CADM2: variants seen among roughly 807,000 people sequenced by gnomAD.
CADM2 encodes the protein cell adhesion molecule 2.
A neutral mutation model predicts 49.8 loss-of-function variants in CADM2; 12 were observed. That is an observed-to-expected ratio of 0.24 (90% CI 0.15 to 0.39). The LOEUF is 0.39. Among genes scored for constraint, CADM2 ranks in the 10% least tolerant of loss-of-function variants. The probability of loss-of-function intolerance (pLI) is 1.00; values close to 1 mark genes in which losing one functional copy is unlikely to be tolerated. For missense variants in CADM2, 378 were observed against 492.3 expected (o/e 0.77, Z 2.20); for synonymous variants, 214 against 175.4 (o/e 1.22, Z -1.74).
chr3:85,496,964 C>T (rs541403887), intron 1 of CADM2, among the ~76,000 whole-genome samples: 1 of 152,330 alleles, frequency 6.6e-6, no homozygotes, highest in Admixed American at 6.5e-5. Flanking sequence ...CCGCCTCAGC[C>T]TCCCAAGTAG....
chr3:85,782,453 G>A (rs934258795), intron 2 of CADM2, among the ~76,000 whole-genome samples: 5 of 151,820 alleles, frequency 3.3e-5, no homozygotes, highest in Non-Finnish European at 7.4e-5. Flanking sequence ...GAGGCGGGCG[G>A]ATCACGAGGT....
At chr3:85,895,526 G>C (rs1382576293) in intron 5 of CADM2, among the ~76,000 whole-genome samples, 1 of 152,188 alleles carries the variant, frequency 6.6e-6, no homozygotes, top group South Asian at 2.1e-4. Flanking sequence ...GGACTTTTGA[G>C]TTAATGCTGA....
At chr3:85,922,522 T>C (rs1719258279) in intron 6 of CADM2, among the ~76,000 whole-genome samples, 1 of 152,058 alleles carries the variant, frequency 6.6e-6, no homozygotes, top group African/African-American at 2.4e-5. Context: ...TTATTATCTA[T>C]TTCTCTGGCT....
At chr3:85,001,277 A>G (rs1388868416) in intron 1 of CADM2, among the ~76,000 whole-genome samples, 2 of 152,008 alleles carry the variant, frequency 1.3e-5, no homozygotes, top group African/African-American at 2.4e-5. Context: ...ATATAAAAAT[A>G]TGTATTTTCT....
rs908343130 is a variant in CADM2 at position 85,342,849 on chromosome 3, C to G, written c.61+383181C>G. ...GCAAGAAGAGAGTCATAGCTGTAAA[C>G]GTAAAGCACCGCTTTCCTACTAAAA... On this transcript the variant is annotated intron_variant, in intron 1 of 9. Coordinates refer to ENST00000383699, the MANE Select transcript of CADM2 (RefSeq NM_001167675.2). 3.5e-4 allele frequency among the ~76,000 whole-genome samples: 53 copies of G among 152,066 alleles called. 1 individual carries two copies. Among genetic ancestry groups the G allele is most frequent in the Non-Finnish European group, 1.3e-4 (9 of 68,006 alleles).
intron 1 of CADM2, among the ~76,000 whole-genome samples, chr3:85,498,127 C>T (rs1283226292): frequency 1.3e-5 from 2 of 151,592 alleles, no homozygotes; most frequent in South Asian, 2.1e-4. Context: ...TTTCACCTCT[C>T]ATACTGCAAA....
At chr3:85,152,434 A>G (rs2039954918) in intron 1 of CADM2, among the ~76,000 whole-genome samples, 1 of 152,004 alleles carries the variant, frequency 6.6e-6, no homozygotes, top group African/African-American at 2.4e-5. Context: ...GCTGACTGAG[A>G]CGATTTCATT....
Position 85,578,163 on chromosome 3 carries a change from C to A in CADM2, c.62-148359C>A, listed in dbSNP as rs1355732729. Among the ~76,000 whole-genome samples, 4 of 152,046 alleles carry A rather than the reference C, an allele frequency of 2.6e-5. No homozygotes were observed. In the East Asian group the frequency reaches 7.7e-4, roughly 29 times the overall value. ...GTGGCGCGATCTCGGCTCACTGCAA[C>A]CTCCACCTTCCGGTCATTTTCCTTT... On this transcript the variant is annotated intron_variant, in intron 1 of 9. Transcript: ENST00000383699.
chr3:84,960,635 G>C (rs2030416909), intron 1 of CADM2, among the ~76,000 whole-genome samples: 1 of 152,106 alleles, frequency 6.6e-6, no homozygotes, highest in Admixed American at 6.5e-5. Flanking sequence ...GAACCTCTGC[G>C]ACCGCAGCAG....
intron 1 of CADM2, among the ~76,000 whole-genome samples, chr3:85,026,700 A>C (rs937710416): frequency 5.3e-5 from 8 of 152,202 alleles, no homozygotes; most frequent in Non-Finnish European, 1.2e-4. Context: ...AACATCCTTA[A>C]TTGAATATAG....
chr3:85,627,127 A>C (rs758199200), intron 1 of CADM2, among the ~76,000 whole-genome samples: 1 of 152,044 alleles, frequency 6.6e-6, no homozygotes, highest in South Asian at 2.1e-4. Flanking sequence ...TTCCTTCACT[A>C]TTTTGTGATT....
At chr3:85,702,375 T>C (rs1488572817) in intron 1 of CADM2, among the ~76,000 whole-genome samples, 1 of 152,104 alleles carries the variant, frequency 6.6e-6, no homozygotes, top group African/African-American at 2.4e-5. Context: ...TTTCAGCTCC[T>C]CTCTGTCATT....
intron 1 of CADM2, among the ~76,000 whole-genome samples, chr3:85,229,522 A>C (rs955102100): frequency 4.6e-5 from 7 of 152,106 alleles, no homozygotes; most frequent in Non-Finnish European, 1.0e-4. Flanking sequence ...TGCAGAAATC[A>C]CCTGCCTTCT....
intron 1 of CADM2, among the ~76,000 whole-genome samples, chr3:84,960,738 CCT>C (rs1490748780): frequency 6.6e-6 from 1 of 152,050 alleles, no homozygotes; most frequent in Non-Finnish European, 1.5e-5. Context: ...TTCTCCAGAC[CCT>C]CTTTTTTGGA....
At chr3:85,316,869 T>A (rs2044477530) in intron 1 of CADM2, among the ~76,000 whole-genome samples, 1 of 152,128 alleles carries the variant, frequency 6.6e-6, no homozygotes, top group South Asian at 2.1e-4. Context: ...AACACCCAGC[T>A]GTCAAAACAG....
At chr3:86,028,607 T>C (rs1734203821) in intron 8 of CADM2, among the ~76,000 whole-genome samples, 1 of 152,186 alleles carries the variant, frequency 6.6e-6, no homozygotes, top group African/African-American at 2.4e-5. Flanking sequence ...TTACAACCTG[T>C]ATATTTCACT....
chr3:85,657,788 T>G (rs1172158033), intron 1 of CADM2, among the ~76,000 whole-genome samples: 2 of 113,316 alleles, frequency 1.8e-5, no homozygotes, highest in Non-Finnish European at 3.7e-5. Flanking sequence ...ATATACATGT[T>G]TTGAGTTAAA....
chr3:85,285,116 T>C (rs1331846573), intron 1 of CADM2, among the ~76,000 whole-genome samples: 1 of 152,114 alleles, frequency 6.6e-6, no homozygotes, highest in Non-Finnish European at 1.5e-5. Flanking sequence ...AGAAGGCAGT[T>C]GGAAGGACAA....
chr3:85,258,672 T>C (rs1015418557), intron 1 of CADM2, among the ~76,000 whole-genome samples: 5 of 152,076 alleles, frequency 3.3e-5, no homozygotes, highest in African/African-American at 1.2e-4. Context: ...AATGCTTTCT[T>C]TTTCTAACTA....
Sources: gnomAD v4.1 joint callset for allele counts (sites outside exome capture counted in the v4.1 genomes callset) on GRCh38, gnomAD v4.1.1 for gene constraint, MANE v1.5 for transcripts, NCBI Gene and HGNC (gene_info 2026-07-23, HGNC 2026-07-21) for gene names.